Variants in GATAD2B observed in about 807,000 individuals in gnomAD.
GATAD2B encodes the protein transcriptional repressor p66-beta.
In GATAD2B, 8 loss-of-function variants were observed where a neutral mutation model predicts 64.3. That is an observed-to-expected ratio of 0.12 (90% CI 0.07 to 0.22). The LOEUF (loss-of-function observed/expected upper bound fraction) is 0.22, where lower values mean the gene tolerates loss of function less well. Among genes scored for constraint, GATAD2B ranks in the 10% least tolerant of loss-of-function variants. The pLI is 1.00. For missense variants in GATAD2B, 453 were observed against 752.0 expected, an observed-to-expected ratio of 0.60 and a Z score of 4.65; for synonymous variants, 281 against 271.3, an observed-to-expected ratio of 1.04 and a Z score of -0.35.
intron 1 of GATAD2B, among the ~76,000 whole-genome samples, chr1:153,875,443 G>A (rs192502388): frequency 6.6e-6 from 1 of 152,196 alleles, no homozygotes; most frequent in Non-Finnish European, 1.5e-5. Flanking sequence ...GCCGCATGCA[G>A]CCCAAGAGTT....
At chr1:153,831,470 T>C (rs990644697) in intron 1 of GATAD2B, among the ~76,000 whole-genome samples, 2 of 151,986 alleles carry the variant, frequency 1.3e-5, no homozygotes, top group African/African-American at 2.4e-5. Flanking sequence ...AACCTTCAGG[T>C]TCTGTGCATG....
intron 1 of GATAD2B, among the ~76,000 whole-genome samples, chr1:153,846,490 A>C (rs2101906215): frequency 6.6e-6 from 1 of 151,188 alleles, no homozygotes; most frequent in South Asian, 2.1e-4. Context: ...CTCCCATCTC[A>C]GCCTCCTAAA....
At chr1:153,825,858 C>T (rs1202673634) in intron 2 of GATAD2B, among the ~76,000 whole-genome samples, 1 of 152,184 alleles carries the variant, frequency 6.6e-6, no homozygotes, top group Non-Finnish European at 1.5e-5. Context: ...CCATTTCTTT[C>T]TTCTTCATTC....
At chr1:153,850,751 T>A (rs1675858601) in intron 1 of GATAD2B, among the ~76,000 whole-genome samples, 1 of 151,950 alleles carries the variant, frequency 6.6e-6, no homozygotes, top group African/African-American at 2.4e-5. Context: ...TGAAACTTCG[T>A]CTCTACTAAA....
chr1:153,854,020 G>A (rs1217116544), intron 1 of GATAD2B, among the ~76,000 whole-genome samples: 1 of 152,124 alleles, frequency 6.6e-6, no homozygotes, highest in South Asian at 2.1e-4. Flanking sequence ...CCTTTCTCTT[G>A]AGTATGAACC....
intron 2 of GATAD2B, among the ~76,000 whole-genome samples, chr1:153,824,363 C>G (rs921616592): frequency 6.6e-6 from 1 of 152,128 alleles, no homozygotes; most frequent in Non-Finnish European, 1.5e-5. Context: ...GGTGTGGTGG[C>G]TCACGCCCAT....
At chr1:153,851,986 C>A (rs1675912999) in intron 1 of GATAD2B, 1 of 335,154 alleles carries the variant, frequency 3.0e-6, no homozygotes, top group African/African-American at 2.1e-5. Context: ...TAATTGAGGG[C>A]CTTTTTACTA....
intron 1 of GATAD2B, among the ~76,000 whole-genome samples, chr1:153,907,057 G>A (rs889954871): frequency 6.6e-6 from 1 of 152,224 alleles, no homozygotes; most frequent in African/African-American, 2.4e-5. Context: ...TGACAGAAAT[G>A]TAAATGATAC....
At chr1:153,855,184 G>A (rs1030956800) in intron 1 of GATAD2B, among the ~76,000 whole-genome samples, 2 of 151,378 alleles carry the variant, frequency 1.3e-5, no homozygotes, top group African/African-American at 4.9e-5. Flanking sequence ...GAGATTGTCC[G>A]TATTTTTTTG....
At chr1:153,871,129 C>T (rs373685215) in intron 1 of GATAD2B, among the ~76,000 whole-genome samples, 9 of 152,136 alleles carry the variant, frequency 5.9e-5, no homozygotes, top group East Asian at 5.8e-4. Flanking sequence ...TGCAGTGGCG[C>T]GATCTCGGCT....
intron 1 of GATAD2B, among the ~76,000 whole-genome samples, chr1:153,861,850 GTATATGTA>G (rs892311739): frequency 5.7e-5 from 8 of 140,682 alleles, no homozygotes; most frequent in East Asian, 2.0e-4. Flanking sequence ...ATGTATGTAC[GTATATGTA>G]TATATGTATA....
chr1:153,915,354 C>T (rs936033072), intron 1 of GATAD2B, among the ~76,000 whole-genome samples: 2 of 151,954 alleles, frequency 1.3e-5, no homozygotes, highest in South Asian at 4.2e-4. Context: ...ACCTGGGAGG[C>T]GGAGGTTGCA....
rs546442118 is a variant in GATAD2B at position 153,896,550 on chromosome 1, C to A, written c.-2+26183G>T. Among the ~76,000 whole-genome samples, 349 of 151,584 alleles carry A rather than the reference C, an allele frequency of 2.3e-3. 1 individual carries two copies. The highest frequency in any genetic ancestry group is 8.2e-3 in the African/African-American group (339 of 41,286). The stretch of plus-strand genomic sequence containing the variant: ...CTCCCGGGTTCAAGCAATTCTCCTG[C>A]CTCAGCCTCCTGAGTAGCTGGGATT... On this transcript the variant is annotated intron_variant, in intron 1 of 10. Coordinates refer to ENST00000368655, the MANE Select transcript of GATAD2B (RefSeq NM_020699.4).
intron 1 of GATAD2B, among the ~76,000 whole-genome samples, chr1:153,863,446 A>C (rs1426437667): frequency 6.6e-6 from 1 of 151,546 alleles, no homozygotes; most frequent in Non-Finnish European, 1.5e-5. Flanking sequence ...CAGTGAGCCA[A>C]GATCACACCA....
intron 1 of GATAD2B, among the ~76,000 whole-genome samples, chr1:153,921,387 G>GA (rs753264191): frequency 6.6e-6 from 1 of 152,112 alleles, no homozygotes; most frequent in East Asian, 1.9e-4. Flanking sequence ...TAAATTTTTA[G>GA]AAAAAATGTC....
At chr1:153,879,762 CA>C (rs71093298) in intron 1 of GATAD2B, among the ~76,000 whole-genome samples, 25,552 of 80,896 alleles carry the variant, frequency 0.32, 1,716 homozygotes, top group Admixed American at 0.39. Context: ...ACACTGTCTA[CA>C]AAAAAAAAAA....
intron 1 of GATAD2B, among the ~76,000 whole-genome samples, chr1:153,845,781 T>C (rs1417729649): frequency 6.6e-6 from 1 of 151,510 alleles, no homozygotes; most frequent in South Asian, 2.1e-4. Context: ...AATAAATAAA[T>C]AAAAATTACC....
chr1:153,881,239 G>A (rs1435848922), intron 1 of GATAD2B, among the ~76,000 whole-genome samples: 4 of 152,166 alleles, frequency 2.6e-5, no homozygotes, highest in African/African-American at 9.6e-5. Flanking sequence ...CACAGAGCAG[G>A]GTTGGAGCTG....
At chr1:153,823,226 T>C (rs1207259613) in intron 2 of GATAD2B, among the ~76,000 whole-genome samples, 2 of 152,224 alleles carry the variant, frequency 1.3e-5, no homozygotes, top group Admixed American at 1.3e-4. Context: ...AACTCCTACC[T>C]ATTAGAGAGA....
Sources: allele counts gnomAD v4.1 joint callset (sites outside exome capture counted in the v4.1 genomes callset), GRCh38; gene constraint gnomAD v4.1.1; transcripts MANE v1.5; gene names NCBI Gene and HGNC (gene_info 2026-07-23, HGNC 2026-07-21).